GPC6: variants seen among roughly 807,000 people sequenced by gnomAD.
The protein encoded by GPC6 is glypican-6.
Under a neutral mutation model 55.2 loss-of-function variants are expected in GPC6, and 14 were observed. The ratio of observed to expected loss-of-function variants is 0.25; its 90% CI spans 0.17 to 0.40. GPC6 has a LOEUF of 0.40. Among genes scored for constraint, GPC6 ranks in the 10% least tolerant of loss-of-function variants. The pLI is 1.00. For synonymous variants in GPC6, 278 were observed against 259.6 expected (o/e 1.07, Z -0.68); for missense variants, 641 against 708.5 (o/e 0.90, Z 1.08).
intron 1 of GPC6, among the ~76,000 whole-genome samples, chr13:93,506,672 C>T (rs1880725450): frequency 6.6e-6 from 1 of 151,984 alleles, no homozygotes; most frequent in South Asian, 2.1e-4. Flanking sequence ...ACTTTATAAG[C>T]ATGGTGGTTT....
rs115391033 is a variant in GPC6, at chr13:94,100,613, A to T, written c.877+72719A>T. On this transcript the variant is annotated intron_variant, in intron 4 of 8. Transcript: ENST00000377047. ...TTTGGATGGTCACCTTCAGGCTAGT[A>T]CTTTCTAGGGATCTGAACTTATTGA... Among the ~76,000 whole-genome samples the T allele has an allele frequency of 3.9e-3, 591 of 152,182 alleles. 8 individuals carry two copies. Among genetic ancestry groups the T allele is most frequent in the African/African-American group, 0.014 (569 of 41,514 alleles).
chr13:93,252,263 C>CT (rs546763552), intron 1 of GPC6, among the ~76,000 whole-genome samples: 2 of 151,374 alleles, frequency 1.3e-5, no homozygotes, highest in East Asian at 1.9e-4. Context: ...CAGCAGTTCC[C>CT]TTTTTTTTCC....
At chr13:93,596,871 G>T (rs1268590429) in intron 2 of GPC6, among the ~76,000 whole-genome samples, 1 of 149,368 alleles carries the variant, frequency 6.7e-6, no homozygotes, top group Admixed American at 6.7e-5. Context: ...ATTGGCTCGT[G>T]TGATTATGGA....
At chr13:94,250,377 T>C (rs1891312105) in intron 4 of GPC6, among the ~76,000 whole-genome samples, 2 of 152,118 alleles carry the variant, frequency 1.3e-5, no homozygotes, top group Admixed American at 6.6e-5. Context: ...TGTGTTTTCT[T>C]ACATTTATTT....
intron 6 of GPC6, among the ~76,000 whole-genome samples, chr13:94,316,808 C>T (rs1876564478): frequency 6.6e-6 from 1 of 151,798 alleles, no homozygotes; most frequent in African/African-American, 2.4e-5. Context: ...TTAAATGAGG[C>T]TTTGATATTG....
chr13:93,636,623 G>A (rs1879710289), intron 2 of GPC6, among the ~76,000 whole-genome samples: 1 of 152,104 alleles, frequency 6.6e-6, no homozygotes, highest in Non-Finnish European at 1.5e-5. Context: ...CAGCTCTCTT[G>A]TTCTTTCTGT....
intron 2 of GPC6, among the ~76,000 whole-genome samples, chr13:93,615,985 A>G (rs1878700289): frequency 6.6e-6 from 1 of 152,144 alleles, no homozygotes; most frequent in South Asian, 2.1e-4. Context: ...TGATTTCTTC[A>G]TTTGTATACC....
At position 94,163,291 on chromosome 13, in the gene GPC6, C is replaced by T. The variant is rs186919738; in HGVS notation, c.878-123058C>T. Among the ~76,000 whole-genome samples, 16 of 152,036 alleles carry T rather than the reference C, an allele frequency of 1.1e-4. No individual in the cohort carries two copies. The East Asian group carries it at 2.5e-3, about 24-fold the overall frequency. On this transcript the variant is annotated intron_variant, in intron 4 of 8. Transcript: ENST00000377047. ...TCCTGTTTTGATAATTATCTACAGT[C>T]GTGCTGGCCAGTTTTGTTTCATCTC...
At chr13:93,359,601 T>C (rs2139175487) in intron 1 of GPC6, among the ~76,000 whole-genome samples, 1 of 152,356 alleles carries the variant, frequency 6.6e-6, no homozygotes. Flanking sequence ...TTTCTGGACC[T>C]TAAATATAGT....
At chr13:93,979,319 T>G (rs868405590) in intron 3 of GPC6, among the ~76,000 whole-genome samples, 104 of 93,798 alleles carry the variant, frequency 1.1e-3, no homozygotes, top group African/African-American at 2.4e-3. Context: ...GTGTGTGTGT[T>G]TGTGTGTGTT....
chr13:93,993,805 T>A (rs966748028), intron 3 of GPC6, among the ~76,000 whole-genome samples: 2 of 152,208 alleles, frequency 1.3e-5, no homozygotes, highest in African/African-American at 4.8e-5. Context: ...CATTACATGA[T>A]TACTATGGTT....
intron 3 of GPC6, among the ~76,000 whole-genome samples, chr13:93,865,914 T>C (rs1888951252): frequency 6.6e-6 from 1 of 151,614 alleles, no homozygotes; most frequent in Admixed American, 6.6e-5. Context: ...TTTAGATGGG[T>C]GGGATTCTCT....
intron 6 of GPC6, among the ~76,000 whole-genome samples, chr13:94,328,339 A>G (rs1247391499): frequency 1.3e-5 from 2 of 152,336 alleles, no homozygotes; most frequent in East Asian, 3.9e-4. Flanking sequence ...CAATGTGTTC[A>G]ATGCATGTTT....
At chr13:93,816,682 G>C (rs528955134) in intron 2 of GPC6, among the ~76,000 whole-genome samples, 1 of 147,902 alleles carries the variant, frequency 6.8e-6, no homozygotes, top group Non-Finnish European at 1.5e-5. Flanking sequence ...TCCATGCCTC[G>C]GTTTCCTCAA....
chr13:94,130,339 A>G (rs1886966162), intron 4 of GPC6, among the ~76,000 whole-genome samples: 1 of 152,262 alleles, frequency 6.6e-6, no homozygotes, highest in African/African-American at 2.4e-5. Flanking sequence ...CAAAAGGAAC[A>G]GTTGTTATAT....
intron 4 of GPC6, among the ~76,000 whole-genome samples, chr13:94,217,009 A>G (rs1356183941): frequency 6.6e-6 from 1 of 152,232 alleles, no homozygotes; most frequent in Non-Finnish European, 1.5e-5. Flanking sequence ...AAATGGAGAT[A>G]TCAGTATGTA....
chr13:94,174,616 A>G (rs1254351798), intron 4 of GPC6, among the ~76,000 whole-genome samples: 3 of 152,118 alleles, frequency 2.0e-5, no homozygotes, highest in Non-Finnish European at 4.4e-5. Flanking sequence ...AAATACAGAC[A>G]TTCTTTTGTA....
At chr13:93,426,572 A>AT (rs1364688365) in intron 1 of GPC6, among the ~76,000 whole-genome samples, 1 of 151,836 alleles carries the variant, frequency 6.6e-6, no homozygotes. Context: ...TGAACTCATC[A>AT]TTTTTTATGG....
At chr13:94,393,783 G>C (rs1178384652) in intron 7 of GPC6, among the ~76,000 whole-genome samples, 1 of 152,112 alleles carries the variant, frequency 6.6e-6, no homozygotes, top group African/African-American at 2.4e-5. Context: ...ATTAAATCTT[G>C]AGAGTCATGT....
Sources: gnomAD v4.1 joint callset for allele counts (sites outside exome capture counted in the v4.1 genomes callset) on GRCh38, gnomAD v4.1.1 for gene constraint, MANE v1.5 for transcripts, NCBI Gene and HGNC (gene_info 2026-07-23, HGNC 2026-07-21) for gene names.